The following DNAH9 variants were observed in gnomAD, a reference collection of about 807,000 sequenced individuals.
The protein encoded by DNAH9 is DNAH9 variant protein.
In DNAH9, 345 loss-of-function variants were observed where a neutral mutation model predicts 471.6. That is an observed-to-expected ratio of 0.73 (90% CI 0.67 to 0.80). The LOEUF (loss-of-function observed/expected upper bound fraction) is 0.80, where lower values mean the gene tolerates loss of function less well. DNAH9 is among the 30% of genes least tolerant of loss of function. DNAH9 has a pLI of 0.00. For missense variants in DNAH9, 5,407 were observed against 5,609.2 expected, an observed-to-expected ratio of 0.96 and a Z score of 1.15; for synonymous variants, 2,093 against 2,123.6, an observed-to-expected ratio of 0.99 and a Z score of 0.40.
intron 63 of DNAH9, among the ~76,000 whole-genome samples, chr17:11,930,765 C>CAAAAAAAAAAAAAAA (rs11371438): frequency 2.6e-4 from 33 of 125,170 alleles, no homozygotes; most frequent in African/African-American, 9.1e-4. Context: ...ACTCCATCTC[C>CAAAAAAAAAAAAAAA]AAAAAAAAAA....
intron 30 of DNAH9, 23 bp from the exon 31 acceptor site, chr17:11,744,774 C>G (rs780336471): frequency 1.3e-5 from 21 of 1,592,732 alleles, no homozygotes; most frequent in Non-Finnish European, 1.7e-5. Context: ...CTCTCTGTCA[C>G]TTTGATCTAA....
chr17:11,701,161 G>A lies in DNAH9; in HGVS notation c.5065G>A (p.Ala1689Thr), dbSNP rs201091936. 2 of 1,613,980 alleles carry A rather than the reference G, an allele frequency of 1.2e-6. No individual in the cohort carries two copies. Among genetic ancestry groups the A allele is most frequent in the African/African-American group, 1.3e-5 (1 of 74,930 alleles). ...WLNHVLGHMK[A>T]TVRHEMTEGV... ...GAACCATGTCCTTGGTCACATGAAG[G>A]CCACTGTGAGGCATGAGATGACAGA... The change falls in exon 24 of 69, where the codon GCC (alanine) becomes ACC (threonine). Residue 1689 changes from alanine to threonine, a missense_variant. Physicochemically the swap from Ala to Thr is moderately conservative, Grantham distance 58 (BLOSUM62 0). Around this residue, in one of 3 missense-constraint regions of DNAH9, gnomAD observed 4,636 missense variants for 4,900.3 expected, o/e 0.95. Coordinates refer to ENST00000262442, the MANE Select transcript of DNAH9 (RefSeq NM_001372.4).
Position 11,902,826 on chromosome 17 carries a change from C to G in DNAH9, c.11514C>G (p.Leu3838=), listed in dbSNP as rs775765262. 2 of 1,614,008 alleles carry G rather than the reference C, an allele frequency of 1.2e-6. No individual in the cohort carries two copies. The highest frequency in any genetic ancestry group is 2.2e-5 in the South Asian group (2 of 91,080). ...CCGAATGTCCTGAGAAAGAGAAGCT[C>G]CCACAGGAGTGGAAGAACAAGACAG... is the stretch of plus-strand genomic sequence containing the variant. The part of the protein sequence containing the change: ...VESECPEKEK[L]PQEWKNKTAL... The change falls in exon 60 of 69, where the codon CTC becomes CTG. Residue 3838 remains leucine, a synonymous_variant. Transcript: ENST00000262442.
chr17:11,857,903 C>G (rs1372999700), intron 50 of DNAH9, among the ~76,000 whole-genome samples: 1 of 152,188 alleles, frequency 6.6e-6, no homozygotes, highest in Admixed American at 6.5e-5. Flanking sequence ...TAGAAGCTCC[C>G]TGAGGCCTCC....
chr17:11,777,873 G>A (rs1968497222), intron 38 of DNAH9, among the ~76,000 whole-genome samples: 1 of 152,106 alleles, frequency 6.6e-6, no homozygotes, highest in African/African-American at 2.4e-5. Context: ...CATCTAGTGA[G>A]GAAGACATTC....
chr17:11,961,669 A>G (rs1567581418), intron 67 of DNAH9, among the ~76,000 whole-genome samples, 198 bp from the exon 68 acceptor site: 1 of 152,190 alleles, frequency 6.6e-6, no homozygotes, highest in Non-Finnish European at 1.5e-5. Flanking sequence ...AGCTTCTGTG[A>G]GACAAACCTT....
chr17:11,924,737 C>T (rs1974261562), intron 62 of DNAH9, among the ~76,000 whole-genome samples: 1 of 150,958 alleles, frequency 6.6e-6, no homozygotes, highest in Admixed American at 6.6e-5. Flanking sequence ...GATTCTCCTG[C>T]CTCAGCCTCC....
At chr17:11,639,840 A>G (rs980221096) in intron 9 of DNAH9, among the ~76,000 whole-genome samples, 2 of 152,182 alleles carry the variant, frequency 1.3e-5, no homozygotes, top group East Asian at 1.9e-4. Context: ...CATCTCTACT[A>G]CAAATACGAA....
intron 27 of DNAH9, among the ~76,000 whole-genome samples, chr17:11,727,341 G>T (rs2075172293): frequency 6.6e-6 from 1 of 151,842 alleles, no homozygotes; most frequent in Admixed American, 6.6e-5. Context: ...TTTTGGTTTT[G>T]GTTTTTGTTT....
chr17:11,619,842 C>A, intron 6 of DNAH9, 61 bp downstream of exon 6: 3 of 943,572 alleles, frequency 3.2e-6, no homozygotes, highest in Non-Finnish European at 5.1e-6. Context: ...TCCAGGGGTC[C>A]AAAAAGTGGA....
intron 1 of DNAH9, among the ~76,000 whole-genome samples, chr17:11,606,947 C>A (rs1044876378): frequency 1.3e-5 from 2 of 152,156 alleles, no homozygotes; most frequent in African/African-American, 4.8e-5. Context: ...ACATAAGACA[C>A]TTTGGCCTGA....
At chr17:11,791,900 A>C (rs944760109) in intron 41 of DNAH9, among the ~76,000 whole-genome samples, 1 of 152,176 alleles carries the variant, frequency 6.6e-6, no homozygotes, top group Non-Finnish European at 1.5e-5. Context: ...AGCAAAAGGC[A>C]TGAAGACACA....
intron 49 of DNAH9, among the ~76,000 whole-genome samples, chr17:11,843,884 T>C (rs867926885): frequency 1.5e-5 from 2 of 134,952 alleles, no homozygotes. Flanking sequence ...TATATATATA[T>C]ATATATACAC....
In DNAH9 at chr17:11,669,257, T is replaced by A; in HGVS notation, c.2925T>A (p.Tyr975Ter). The A allele has an allele frequency of 6.2e-7, 1 of 1,612,690 alleles. No individual in the cohort carries two copies. The highest frequency in any genetic ancestry group is 8.5e-7 in the Non-Finnish European group (1 of 1,179,128). ...CCCCACAAAATGGCTCTCCTCACTATCAGGTACTGGAGCTGCAGCCATCCT... is the reference window on the plus strand; with the variant it reads ...CCCCACAAAATGGCTCTCCTCACTAACAGGTACTGGAGCTGCAGCCATCCT... ...RLSPQNGSPH[Y>*]QVDLDGIPDL... The change falls in exon 16 of 69, where the codon TAT (tyrosine) becomes TAA (stop). Residue 975 changes from tyrosine (Y) to a stop codon, truncating the protein, a stop_gained. Transcript: ENST00000262442. LOFTEE classifies it high-confidence loss of function.
intron 24 of DNAH9, among the ~76,000 whole-genome samples, chr17:11,703,906 C>T (rs891073206): frequency 3.3e-5 from 5 of 152,196 alleles, no homozygotes; most frequent in Non-Finnish European, 5.9e-5. Flanking sequence ...AAGACTGATT[C>T]ATCCCCGTCA....
chr17:11,757,603 T>G lies in DNAH9; in HGVS notation c.6906T>G (p.Ile2302Met). ...LGWNPPVSSWIEKREIQTERA... is the reference protein window; with the variant it reads ...LGWNPPVSSWMEKREIQTERA... ...GGAACCCTCCAGTGAGCAGCTGGAT[T>G]GAGAAGAGGGAAATCCAGACAGAGA... Residue 2302 changes from isoleucine (I) to methionine (M), a missense_variant, in exon 35 of 69, where the codon ATT (isoleucine) becomes ATG (methionine). Ile to Met is a conservative substitution (Grantham distance 10, BLOSUM62 1). Around this residue, in one of 3 missense-constraint regions of DNAH9, gnomAD observed 4,636 missense variants for 4,900.3 expected, o/e 0.95. Coordinates refer to ENST00000262442, the MANE Select transcript of DNAH9 (RefSeq NM_001372.4). 1.2e-6 allele frequency: 2 copies of G among 1,613,944 alleles called. No individual in the cohort carries two copies. Among genetic ancestry groups the G allele is most frequent in the Non-Finnish European group, 1.7e-6 (2 of 1,179,822 alleles).
intron 17 of DNAH9, among the ~76,000 whole-genome samples, chr17:11,679,020 A>G (rs1184504714): frequency 6.6e-6 from 1 of 151,642 alleles, no homozygotes. Context: ...TTATAATTAT[A>G]TTTTCCATTT....
Position 11,911,387 on chromosome 17 carries a change from A to G in DNAH9, c.11749+5578A>G, listed in dbSNP as rs575769024. 1.3e-5 allele frequency among the ~76,000 whole-genome samples: 2 copies of G among 152,224 alleles called. 1 individual carries two copies. The highest frequency in any genetic ancestry group is 3.8e-4 in the East Asian group (2 of 5,200). On this transcript the variant is annotated intron_variant, in intron 61 of 68. Transcript: ENST00000262442. The stretch of plus-strand genomic sequence containing the variant: ...ACTATTATTTATATCACATTGATCT[A>G]TGTATCTATCTGTATGCCAAATAAC...
intron 27 of DNAH9, chr17:11,723,052 T>G (rs1349992072): frequency 2.6e-5 from 4 of 152,356 alleles, no homozygotes; most frequent in Admixed American, 1.3e-4. Flanking sequence ...CTCGGTCTCA[T>G]TTGCTGATCC....
Sources: allele counts gnomAD v4.1 joint callset (sites outside exome capture counted in the v4.1 genomes callset), GRCh38; gene constraint gnomAD v4.1.1; regional missense constraint gnomAD v4.1.1; transcripts MANE v1.5; gene names NCBI Gene and HGNC (gene_info 2026-07-23, HGNC 2026-07-21).